Variants in WDR70 observed in about 807,000 individuals in gnomAD.
WDR70 encodes WD repeat domain 70.
A neutral mutation model predicts 88.6 loss-of-function variants in WDR70; 53 were observed. That is an observed-to-expected ratio of 0.60 (90% CI 0.48 to 0.75). WDR70 has a LOEUF of 0.75. Ranked by LOEUF, WDR70 falls within the 30% of genes least tolerant of loss-of-function variation. The probability of loss-of-function intolerance (pLI) is 0.00; values close to 1 mark genes in which losing one functional copy is unlikely to be tolerated. For synonymous variants in WDR70, 280 were observed against 270.0 expected (o/e 1.04, Z -0.36); for missense variants, 610 against 823.2 (o/e 0.74, Z 3.17).
At chr5:37,615,412 A>G (rs1034285302) in intron 10 of WDR70, among the ~76,000 whole-genome samples, 2 of 152,182 alleles carry the variant, frequency 1.3e-5, no homozygotes. Flanking sequence ...GATTTTACTC[A>G]CAGGGAATAC....
intron 10 of WDR70, among the ~76,000 whole-genome samples, chr5:37,644,555 A>G (rs1007179381): frequency 6.6e-6 from 1 of 152,030 alleles, no homozygotes; most frequent in Admixed American, 6.6e-5. Flanking sequence ...TAGGATTGGT[A>G]TTAGTAGCTC....
At chr5:37,487,621 A>ATTTTTTTTTTTTTT (rs1561871968) in intron 8 of WDR70, among the ~76,000 whole-genome samples, 7 of 37,710 alleles carry the variant, frequency 1.9e-4, no homozygotes, top group African/African-American at 5.1e-4. Context: ...ATATATATAT[A>ATTTTTTTTTTTTTT]TATGTATTTT....
rs149329320 is a variant in WDR70, at chr5:37,749,640, A to G, written c.1878-2846A>G. Among the ~76,000 whole-genome samples, 304 of 152,274 alleles carry G rather than the reference A, an allele frequency of 2.0e-3. 1 individual carries two copies. Among genetic ancestry groups the G allele is most frequent in the African/African-American group, 6.9e-3 (285 of 41,564 alleles). ...TGATTAGTTCAAAAGTAGAAATTAA[A>G]TGTCATGGAGTTTTGCAAAAAGGAC... On this transcript the variant is annotated intron_variant, in intron 17 of 17. Transcript: ENST00000265107.
rs550821207 is a variant in WDR70 at position 37,500,716 on chromosome 5, C to CTTTTTTTT, written c.841-15779_841-15772dup. Among the ~76,000 whole-genome samples, 58 of 63,292 alleles carry CTTTTTTTT rather than the reference C, an allele frequency of 9.2e-4. 16 individuals are homozygous for CTTTTTTTT. The highest frequency in any genetic ancestry group is 1.6e-3 in the East Asian group (3 of 1,886). 41.5% of individuals were successfully genotyped at this position (63,292 alleles called of 152,430 possible). A position where few individuals can be genotyped will look rare whatever the true frequency, so the allele number is the denominator to read the frequency against. ...GAGCATTTTATCATATATTTGTTGGCTTTTTTTTTTTTTTTTTTTTTTTTT... is the reference window on the plus strand; with the variant it reads ...GAGCATTTTATCATATATTTGTTGGCTTTTTTTTTTTTTTTTTTTTTTTTTTTTTTTTT... On this transcript the variant is annotated intron_variant, in intron 8 of 17. Coordinates refer to ENST00000265107, the MANE Select transcript of WDR70 (RefSeq NM_018034.4).
chr5:37,531,063 C>T (rs1329157225), intron 9 of WDR70, among the ~76,000 whole-genome samples: 1 of 152,054 alleles, frequency 6.6e-6, no homozygotes, highest in African/African-American at 2.4e-5. Context: ...AGAGATCATT[C>T]AGGAGTAGAT....
intron 5 of WDR70, among the ~76,000 whole-genome samples, chr5:37,430,465 T>C (rs1750266688): frequency 6.6e-6 from 1 of 152,260 alleles, no homozygotes; most frequent in African/African-American, 2.4e-5. Context: ...GACTAGTGTA[T>C]TGAATGCGTT....
At chr5:37,696,623 G>T (rs970749260) in intron 10 of WDR70, among the ~76,000 whole-genome samples, 2 of 152,214 alleles carry the variant, frequency 1.3e-5, no homozygotes, top group Non-Finnish European at 2.9e-5. Context: ...CAGAACCATT[G>T]TGTAATTAGC....
intron 10 of WDR70, among the ~76,000 whole-genome samples, chr5:37,641,229 C>T (rs1292302743): frequency 2.0e-5 from 3 of 151,978 alleles, no homozygotes; most frequent in Non-Finnish European, 4.4e-5. Context: ...GATTCTCATG[C>T]CTCAGCCTCC....
chr5:37,646,192 A>G (rs1337277034), intron 10 of WDR70, among the ~76,000 whole-genome samples: 1 of 152,092 alleles, frequency 6.6e-6, no homozygotes, highest in Admixed American at 6.5e-5. Context: ...ATAACCCATT[A>G]TTTAAACTGG....
chr5:37,488,812 T>C (rs1739975394), intron 8 of WDR70, among the ~76,000 whole-genome samples: 1 of 152,184 alleles, frequency 6.6e-6, no homozygotes. Flanking sequence ...CTGGAATCTG[T>C]TGGTGGAGAA....
chr5:37,684,155 A>G (rs1270154111), intron 10 of WDR70, among the ~76,000 whole-genome samples: 1 of 152,070 alleles, frequency 6.6e-6, no homozygotes, highest in African/African-American at 2.4e-5. Flanking sequence ...TTGTGATTAC[A>G]TTATGAAATT....
chr5:37,530,081 A>G (rs991440675), intron 9 of WDR70, among the ~76,000 whole-genome samples: 3 of 152,148 alleles, frequency 2.0e-5, no homozygotes, highest in Non-Finnish European at 4.4e-5. Context: ...TCAGACGATC[A>G]TGTGATTTTT....
At chr5:37,477,722 A>T (rs1200594834) in intron 7 of WDR70, among the ~76,000 whole-genome samples, 2 of 152,060 alleles carry the variant, frequency 1.3e-5, no homozygotes, top group Non-Finnish European at 1.5e-5. Flanking sequence ...GTCCCCTTTC[A>T]TATGTCTATC....
At chr5:37,740,730 G>A (rs765107044) in intron 17 of WDR70, among the ~76,000 whole-genome samples, 2 of 152,184 alleles carry the variant, frequency 1.3e-5, no homozygotes, top group African/African-American at 2.4e-5. Flanking sequence ...GCATCATACA[G>A]GGCCAATTTT....
chr5:37,653,536 C>T (rs1293464398), intron 10 of WDR70, among the ~76,000 whole-genome samples: 1 of 152,138 alleles, frequency 6.6e-6, no homozygotes, highest in Non-Finnish European at 1.5e-5. Context: ...CTTTGTACCT[C>T]TGGTAGAATT....
intron 13 of WDR70, among the ~76,000 whole-genome samples, chr5:37,716,191 G>A (rs553649690): frequency 2.0e-5 from 3 of 152,260 alleles, no homozygotes; most frequent in Admixed American, 6.5e-5. Context: ...TGGAGGATCC[G>A]GAAATGGAGT....
intron 10 of WDR70, among the ~76,000 whole-genome samples, chr5:37,674,417 G>A (rs907744578): frequency 1.3e-5 from 2 of 151,782 alleles, no homozygotes; most frequent in Admixed American, 6.6e-5. Context: ...AGAGTGTGAT[G>A]TTCCCCTTCC....
chr5:37,675,922 T>G (rs1252804902), intron 10 of WDR70, among the ~76,000 whole-genome samples: 1 of 152,142 alleles, frequency 6.6e-6, no homozygotes, highest in Non-Finnish European at 1.5e-5. Flanking sequence ...AGCAGTGGTT[T>G]GTAGTTCTCC....
intron 10 of WDR70, among the ~76,000 whole-genome samples, chr5:37,670,054 ATGGGGTTTCCTTT>A (rs1745979767): frequency 6.6e-6 from 1 of 152,174 alleles, no homozygotes; most frequent in South Asian, 2.1e-4. Flanking sequence ...GCTCATGTGT[ATGGGGTTTCCTTT>A]TGGGGTAGTG....
Sources: allele counts gnomAD v4.1 joint callset (sites outside exome capture counted in the v4.1 genomes callset), GRCh38; gene constraint gnomAD v4.1.1; transcripts MANE v1.5; gene names NCBI Gene and HGNC (gene_info 2026-07-23, HGNC 2026-07-21).